CACNB2: variants seen among roughly 807,000 people sequenced by gnomAD.
CACNB2 encodes voltage-dependent L-type calcium channel subunit beta-2.
In CACNB2, 42 loss-of-function variants were observed where a neutral mutation model predicts 73.3. The observed-to-expected ratio is 0.57, with a 90% CI of 0.45 to 0.74. The LOEUF is 0.74. Ranked by LOEUF, CACNB2 falls within the 30% of genes least tolerant of loss-of-function variation. The pLI, the probability that CACNB2 is intolerant of heterozygous loss-of-function variation, is 0.00. For missense variants in CACNB2, 940 were observed against 853.0 expected, an observed-to-expected ratio of 1.10 and a Z score of -1.27; for synonymous variants, 348 against 310.3, an observed-to-expected ratio of 1.12 and a Z score of -1.28.
At chr10:18,286,422 G>A (rs1312140879) in intron 2 of CACNB2, among the ~76,000 whole-genome samples, 1 of 149,274 alleles carries the variant, frequency 6.7e-6, no homozygotes, top group East Asian at 2.0e-4. Flanking sequence ...GGAGGCTGAG[G>A]CAGGAAAATG....
chr10:18,516,021 C>T (rs921316449), intron 7 of CACNB2, among the ~76,000 whole-genome samples: 8 of 152,064 alleles, frequency 5.3e-5, no homozygotes, highest in African/African-American at 1.9e-4. Flanking sequence ...TGAGACCAGC[C>T]TGGCCAACAT....
At chr10:18,418,067 TG>T (rs1412886227) in intron 3 of CACNB2, among the ~76,000 whole-genome samples, 1 of 152,042 alleles carries the variant, frequency 6.6e-6, no homozygotes, top group Non-Finnish European at 1.5e-5. Context: ...TGTGGTTTTT[TG>T]TTTGTTTGTT....
At chr10:18,337,607 G>T in intron 2 of CACNB2, among the ~76,000 whole-genome samples, 1 of 152,064 alleles carries the variant, frequency 6.6e-6, no homozygotes, top group East Asian at 1.9e-4. Context: ...CAATGATGTA[G>T]GTGTGATCTA....
intron 2 of CACNB2, among the ~76,000 whole-genome samples, chr10:18,202,554 TA>T (rs2034927077): frequency 6.6e-6 from 1 of 152,202 alleles, no homozygotes; most frequent in South Asian, 2.1e-4. Context: ...AAAGCAAGGA[TA>T]ATAATACACA....
At chr10:18,311,777 G>A (rs1222695910) in intron 2 of CACNB2, among the ~76,000 whole-genome samples, 1 of 152,118 alleles carries the variant, frequency 6.6e-6, no homozygotes, top group East Asian at 1.9e-4. Flanking sequence ...GGACCCACAT[G>A]GTTCAAATCT....
chr10:18,506,659 T>G, intron 6 of CACNB2, 112 bp downstream of exon 6: 1 of 748,980 alleles, frequency 1.3e-6, no homozygotes, highest in South Asian at 1.4e-5. Flanking sequence ...ACCCTACAGA[T>G]GTTAAAAGGA....
At position 18,536,244 on chromosome 10, in the gene CACNB2, T is replaced by TTTTC. The variant is rs1491239426; in HGVS notation, c.1302+51_1302+52insCTTT. 1,618 of 285,330 alleles carry TTTTC rather than the reference T, an allele frequency of 5.7e-3. 124 individuals carry two copies. The highest frequency in any genetic ancestry group is 0.016 in the South Asian group (464 of 28,628). 17.7% of individuals were successfully genotyped at this position (285,330 alleles called of 1,614,324 possible). A position where few individuals can be genotyped will look rare whatever the true frequency, so the allele number is the denominator to read the frequency against. ...ATAATCCAGTTACAGAGATCAGACC[T>TTTTC]TTTTTTTTTTTTTTTTTTTTTTTTT... On this transcript the variant is annotated intron_variant, in intron 12 of 13. Coordinates refer to ENST00000324631, the MANE Select transcript of CACNB2 (RefSeq NM_201596.3).
At chr10:18,296,389 A>G (rs547121510) in intron 2 of CACNB2, among the ~76,000 whole-genome samples, 129 of 152,278 alleles carry the variant, frequency 8.5e-4, no homozygotes, top group African/African-American at 3.0e-3. Flanking sequence ...GTCTGGTGAT[A>G]CAGATACGCT....
chr10:18,253,866 A>G (rs1354429887), intron 2 of CACNB2, among the ~76,000 whole-genome samples: 1 of 152,224 alleles, frequency 6.6e-6, no homozygotes, highest in Non-Finnish European at 1.5e-5. Context: ...TACAAAATAA[A>G]AGGAATCAGG....
rs921136517 is a variant in CACNB2, at chr10:18,278,609, A to G, written c.214-123315A>G. Among the ~76,000 whole-genome samples, 7 of 152,334 alleles carry G rather than the reference A, an allele frequency of 4.6e-5. No individual in the cohort carries two copies. The East Asian group carries it at 1.2e-3, about 25-fold the overall frequency. ...TTATAAAACATGATTTATATAGACT[A>G]AAATTTTATTTGCGATAAGGGAAAT... On this transcript the variant is annotated intron_variant, in intron 2 of 13. Transcript: ENST00000324631.
chr10:18,312,488 A>G (rs2039998770), intron 2 of CACNB2, among the ~76,000 whole-genome samples: 1 of 152,230 alleles, frequency 6.6e-6, no homozygotes, highest in Non-Finnish European at 1.5e-5. Context: ...ACAGCCAGAA[A>G]TATTGGCCCA....
At chr10:18,143,816 A>C (rs1386630707) in intron 1 of CACNB2, among the ~76,000 whole-genome samples, 1 of 152,158 alleles carries the variant, frequency 6.6e-6, no homozygotes. Context: ...TGGAGTTTCT[A>C]TTTACAAATG....
At chr10:18,424,261 C>T (rs2045479067) in intron 3 of CACNB2, among the ~76,000 whole-genome samples, 1 of 152,160 alleles carries the variant, frequency 6.6e-6, no homozygotes, top group Non-Finnish European at 1.5e-5. Flanking sequence ...GTTACAGCTC[C>T]TCTACTGCCC....
chr10:18,542,771 G>T lies in CACNB2; in HGVS notation c.*3047G>T, dbSNP rs926041709. On this transcript the variant is annotated 3_prime_UTR_variant, in exon 14 of 14. Transcript: ENST00000324631. ...GGCAATGGGATATTTACTGACCTGC[G>T]GAATGTAAAGTTACAGTCTTTTCAC... The T allele has an allele frequency of 4.2e-4, 64 of 152,182 alleles. No homozygotes were observed. The highest frequency in any genetic ancestry group is 1.3e-3 in the African/African-American group (56 of 41,526). 9.4% of individuals were successfully genotyped at this position (152,182 alleles called of 1,614,324 possible).
chr10:18,524,040 C>T (rs1283788430), intron 9 of CACNB2, among the ~76,000 whole-genome samples: 1 of 152,132 alleles, frequency 6.6e-6, no homozygotes, highest in African/African-American at 2.4e-5. Context: ...TCATCCTCCT[C>T]CTCCTCCTGT....
At chr10:18,343,072 A>G (rs1292712268) in intron 2 of CACNB2, among the ~76,000 whole-genome samples, 1 of 152,196 alleles carries the variant, frequency 6.6e-6, no homozygotes, top group East Asian at 1.9e-4. Context: ...CAATAAACCA[A>G]TGCAATTTGG....
chr10:18,195,886 T>A (rs898262484), intron 2 of CACNB2, among the ~76,000 whole-genome samples: 3 of 152,238 alleles, frequency 2.0e-5, no homozygotes, highest in Non-Finnish European at 4.4e-5. Flanking sequence ...AGCATACTCT[T>A]CTTTGTTTCA....
At chr10:18,399,907 C>T (rs897192304) in intron 2 of CACNB2, among the ~76,000 whole-genome samples, 2 of 152,138 alleles carry the variant, frequency 1.3e-5, no homozygotes, top group Non-Finnish European at 2.9e-5. Flanking sequence ...GCCTCACTCA[C>T]CTCATCTACA....
At chr10:18,261,221 C>G in intron 2 of CACNB2, 1 of 1,550,344 alleles carries the variant, frequency 6.5e-7, no homozygotes, top group Non-Finnish European at 8.7e-7. Context: ...AGACAAGGCA[C>G]AGTGCAGCTT....
Sources: gnomAD v4.1 joint callset for allele counts (sites outside exome capture counted in the v4.1 genomes callset) on GRCh38, gnomAD v4.1.1 for gene constraint, MANE v1.5 for transcripts, NCBI Gene and HGNC (gene_info 2026-07-23, HGNC 2026-07-21) for gene names.